Variants in PTCHD4 observed in about 807,000 individuals in gnomAD.
PTCHD4 encodes the protein patched domain containing 4.
Under a neutral mutation model 58.1 loss-of-function variants are expected in PTCHD4, and 33 were observed. That is an observed-to-expected ratio of 0.57 (90% CI 0.43 to 0.76). The LOEUF (loss-of-function observed/expected upper bound fraction) is 0.76. PTCHD4 is among the 30% of genes least tolerant of loss of function. The pLI is 0.00. For missense variants in PTCHD4, 1,058 were observed against 1,027.1 expected, an observed-to-expected ratio of 1.03 and a Z score of -0.41; for synonymous variants, 478 against 409.6, an observed-to-expected ratio of 1.17 and a Z score of -2.02.
chr6:48,052,245 A>G (rs1466042111), intron 3 of PTCHD4, among the ~76,000 whole-genome samples: 1 of 152,018 alleles, frequency 6.6e-6, no homozygotes, highest in East Asian at 1.9e-4. Flanking sequence ...CAAAAAGGGT[A>G]GGAGGTTGAG....
chr6:47,901,706 A>T, intron 4 of PTCHD4: 9 of 1,152,356 alleles, frequency 7.8e-6, no homozygotes, highest in Non-Finnish European at 9.7e-6. Context: ...CAAAAAATAG[A>T]GGGCTGGGTT....
intron 4 of PTCHD4, among the ~76,000 whole-genome samples, chr6:47,885,977 C>T: frequency 6.6e-6 from 1 of 152,144 alleles, no homozygotes. Flanking sequence ...TGCCACCACA[C>T]CTGGCTGATT....
chr6:48,052,679 T>C (rs185705307), intron 3 of PTCHD4, among the ~76,000 whole-genome samples: 1 of 152,022 alleles, frequency 6.6e-6, no homozygotes, highest in Non-Finnish European at 1.5e-5. Context: ...CAGATACGGA[T>C]TCAACTATGT....
chr6:48,101,552 C>T (rs543183252), intron 1 of PTCHD4, among the ~76,000 whole-genome samples: 129 of 152,278 alleles, frequency 8.5e-4, no homozygotes, highest in African/African-American at 3.0e-3. Flanking sequence ...TTTTGCTTCT[C>T]ATTGTCTTTT....
chr6:47,905,985 G>A lies in PTCHD4; in HGVS notation c.899-26049C>T, dbSNP rs77525854. On this transcript the variant is annotated intron_variant, in intron 4 of 4. Coordinates refer to ENST00000339488, the MANE Select transcript of PTCHD4 (RefSeq NM_001384253.1). ...GCTTGTTGTCTGTGGGGCCCCTGGG[G>A]GCCCATCAATTTTCCTTCTATCTGT... 8.5e-3 allele frequency among the ~76,000 whole-genome samples: 1,298 copies of A among 152,310 alleles called. 31 individuals carry two copies. Among genetic ancestry groups the A allele is most frequent in the African/African-American group, 0.03 (1,227 of 41,566 alleles).
At position 47,879,461 on chromosome 6, in the gene PTCHD4, T is replaced by C. The variant is rs781075270; in HGVS notation, c.1374A>G (p.Ile458Met). 76 of 1,613,444 alleles carry C rather than the reference T, an allele frequency of 4.7e-5. No homozygotes were observed. The highest frequency in any genetic ancestry group is 6.4e-5 in the Non-Finnish European group (76 of 1,179,670). ...GGATGACAACAAATGGCTTCACATA[T>C]ATATTGGTAATCCATTCATTATAAT... ...REHYNEWITNIYVKPFVVILY... is the reference protein window; with the variant it reads ...REHYNEWITNMYVKPFVVILY... Residue 458 changes from isoleucine to methionine, a missense_variant, in exon 5 of 5, where the codon ATA (isoleucine) becomes ATG (methionine). Ile to Met is a conservative substitution (Grantham distance 10). Transcript: ENST00000339488.
At chr6:47,948,988 G>A (rs1237198685) in intron 4 of PTCHD4, among the ~76,000 whole-genome samples, 5 of 152,140 alleles carry the variant, frequency 3.3e-5, no homozygotes, top group East Asian at 1.9e-4. Context: ...AAGTATCTTC[G>A]TTTCTGAAAA....
chr6:47,901,669 A>G (rs757052974), intron 4 of PTCHD4: 274 of 1,146,346 alleles, frequency 2.4e-4, no homozygotes, highest in Non-Finnish European at 2.7e-4. Context: ...CAGGGAGGAA[A>G]GAAATACCTG....
intron 4 of PTCHD4, among the ~76,000 whole-genome samples, chr6:47,914,339 G>A (rs1328968): frequency 1.9e-3 from 282 of 151,940 alleles, no homozygotes; most frequent in African/African-American, 6.5e-3. Context: ...GATGAGATTC[G>A]CATTTGAATT....
chr6:48,093,385 T>C (rs368409422), intron 1 of PTCHD4, among the ~76,000 whole-genome samples: 4 of 152,160 alleles, frequency 2.6e-5, no homozygotes, highest in East Asian at 3.9e-4. Context: ...TAAAGTATTA[T>C]AGAAATTAAA....
chr6:47,918,932 C>T (rs1765344036), intron 4 of PTCHD4, among the ~76,000 whole-genome samples: 1 of 151,998 alleles, frequency 6.6e-6, no homozygotes, highest in South Asian at 2.1e-4. Context: ...CTATTTTCTC[C>T]CACCCTGCTG....
intron 3 of PTCHD4, among the ~76,000 whole-genome samples, chr6:48,019,953 G>A (rs1763007545): frequency 6.7e-6 from 1 of 149,558 alleles, no homozygotes; most frequent in African/African-American, 2.5e-5. Flanking sequence ...CTAAGCAGAG[G>A]AAACAGCATA....
At chr6:48,043,995 T>C (rs555359000) in intron 3 of PTCHD4, among the ~76,000 whole-genome samples, 2 of 151,802 alleles carry the variant, frequency 1.3e-5, no homozygotes, top group Non-Finnish European at 2.9e-5. Flanking sequence ...ATAGGAGAAA[T>C]GAATAAGAAT....
At chr6:47,964,562 A>G (rs1339669049) in intron 4 of PTCHD4, among the ~76,000 whole-genome samples, 3 of 152,178 alleles carry the variant, frequency 2.0e-5, no homozygotes, top group Admixed American at 6.5e-5. Flanking sequence ...ATATTAAATG[A>G]CACTACTTGG....
intron 4 of PTCHD4, among the ~76,000 whole-genome samples, chr6:47,978,288 A>G (rs1468854831): frequency 2.0e-5 from 3 of 152,016 alleles, no homozygotes; most frequent in Admixed American, 6.6e-5. Context: ...TATTACTGCT[A>G]CTCACAGTTC....
intron 4 of PTCHD4, chr6:47,901,809 A>T: frequency 7.8e-7 from 1 of 1,280,034 alleles, no homozygotes; most frequent in Non-Finnish European, 1.0e-6. Flanking sequence ...GTATCCTAGG[A>T]GTCTTCACAT....
At chr6:47,984,982 G>T (rs1768007521) in intron 4 of PTCHD4, among the ~76,000 whole-genome samples, 1 of 152,054 alleles carries the variant, frequency 6.6e-6, no homozygotes, top group African/African-American at 2.4e-5. Context: ...AGTTAGCTCA[G>T]TTCTCTGCAG....
rs1763864125 is a variant in PTCHD4, at chr6:47,876,942, G to A, written c.*1361C>T. On this transcript the variant is annotated 3_prime_UTR_variant, in exon 5 of 5. Transcript: ENST00000339488. ...CTGTGGAGAGCTGCGATCACCCTAG[G>A]AGGTGGGCCAACCGAGGAGCACTTT... Among the ~76,000 whole-genome samples, 1 of 151,964 alleles carries A rather than the reference G, an allele frequency of 6.6e-6. No homozygotes were observed. The highest frequency in any genetic ancestry group is 6.6e-5 in the Admixed American group (1 of 15,226).
chr6:47,982,625 A>T (rs1002522337), intron 4 of PTCHD4, among the ~76,000 whole-genome samples: 2 of 151,892 alleles, frequency 1.3e-5, no homozygotes, highest in Non-Finnish European at 2.9e-5. Flanking sequence ...AGTAGCTGGG[A>T]CTACAGGCGC....
Sources: gnomAD v4.1 joint callset for allele counts (sites outside exome capture counted in the v4.1 genomes callset) on GRCh38, gnomAD v4.1.1 for gene constraint, MANE v1.5 for transcripts, NCBI Gene and HGNC (gene_info 2026-07-23, HGNC 2026-07-21) for gene names.